The following PRKN variants were observed in gnomAD, a reference collection of about 807,000 sequenced individuals.
PRKN encodes E3 ubiquitin-protein ligase parkin.
PRKN carries 56 observed loss-of-function variants against 59.5 expected under a neutral mutation model. The observed-to-expected ratio is 0.94, with a 90% CI of 0.76 to 1.18. The LOEUF is 1.18. Ranked by LOEUF, PRKN falls within the 50% of genes most tolerant of loss-of-function variation. The pLI, the probability that PRKN is intolerant of heterozygous loss-of-function variation, is 0.00. For missense variants in PRKN, 657 were observed against 596.4 expected (o/e 1.10, Z -1.06); for synonymous variants, 250 against 222.1 (o/e 1.13, Z -1.12).
intron 4 of PRKN, among the ~76,000 whole-genome samples, chr6:162,187,684 C>T (rs1471395728): frequency 6.6e-6 from 1 of 152,026 alleles, no homozygotes; most frequent in Non-Finnish European, 1.5e-5. Context: ...ATCCATTTGG[C>T]CCTGGGAGAA....
chr6:162,096,312 C>T (rs971132994), intron 4 of PRKN, among the ~76,000 whole-genome samples: 2 of 152,142 alleles, frequency 1.3e-5, no homozygotes, highest in Non-Finnish European at 2.9e-5. Context: ...CATTCACATC[C>T]AATTTTGTGT....
intron 4 of PRKN, among the ~76,000 whole-genome samples, chr6:162,105,075 T>A (rs1780134628): frequency 6.6e-6 from 1 of 152,130 alleles, no homozygotes; most frequent in Admixed American, 6.6e-5. Flanking sequence ...GAAGCACTCA[T>A]CACGCATTAG....
chr6:161,766,969 C>A (rs1191348836), intron 7 of PRKN, among the ~76,000 whole-genome samples: 1 of 152,104 alleles, frequency 6.6e-6, no homozygotes, highest in Non-Finnish European at 1.5e-5. Flanking sequence ...TAGTATCAAC[C>A]ACAGAGAATC....
At chr6:162,607,191 G>C (rs1225857734) in intron 1 of PRKN, among the ~76,000 whole-genome samples, 4 of 152,136 alleles carry the variant, frequency 2.6e-5, no homozygotes, top group African/African-American at 9.7e-5. Flanking sequence ...ATTGATTCAT[G>C]AATCATTTGG....
At chr6:162,654,660 G>C (rs1778571404) in intron 1 of PRKN, among the ~76,000 whole-genome samples, 1 of 152,022 alleles carries the variant, frequency 6.6e-6, no homozygotes, top group South Asian at 2.1e-4. Context: ...TACTGTATTA[G>C]TCCATTCTCA....
intron 6 of PRKN, among the ~76,000 whole-genome samples, chr6:161,892,576 A>G (rs1306631753): frequency 6.6e-6 from 1 of 151,684 alleles, no homozygotes; most frequent in Non-Finnish European, 1.5e-5. Context: ...ATTCTTCAGA[A>G]ACTACAGCAA....
intron 1 of PRKN, among the ~76,000 whole-genome samples, chr6:162,584,212 CAA>C (rs777161921): frequency 1.1e-5 from 1 of 91,282 alleles, no homozygotes. Context: ...GACTCCGTCT[CAA>C]AAAAAAAAAA....
In PRKN at chr6:162,643,568, A is replaced by C. The variant is rs144748229; in HGVS notation, c.7+84094T>G. On this transcript the variant is annotated intron_variant, in intron 1 of 11. Transcript: ENST00000366898. ...AATCATACACATTTTCCATTAATGG[A>C]CTCTTGCTGTGGGAAAGGGTGAGCT... Among the ~76,000 whole-genome samples, 567 of 151,946 alleles carry C rather than the reference A, an allele frequency of 3.7e-3. 4 individuals are homozygous for C. Among genetic ancestry groups the C allele is most frequent in the African/African-American group, 0.013 (552 of 41,442 alleles).
At chr6:162,054,769 AAAATG>A (rs1443081031) in intron 4 of PRKN, among the ~76,000 whole-genome samples, 2 of 152,372 alleles carry the variant, frequency 1.3e-5, no homozygotes, top group East Asian at 3.9e-4. Flanking sequence ...AAGATCATTT[AAAATG>A]AAATATCAGT....
At chr6:161,476,972 A>C (rs932558887) in intron 9 of PRKN, among the ~76,000 whole-genome samples, 3 of 152,180 alleles carry the variant, frequency 2.0e-5, no homozygotes, top group African/African-American at 7.2e-5. Context: ...ATGCAGTTCT[A>C]ATGAGGCAGT....
In PRKN at chr6:161,533,820, T is replaced by C. The variant is rs1402232997; in HGVS notation, c.1083+15034A>G. Among the ~76,000 whole-genome samples the C allele has an allele frequency of 2.6e-5, 4 of 151,940 alleles. No individual in the cohort carries two copies. Among genetic ancestry groups the C allele is most frequent in the Admixed American group, 2.6e-4 (4 of 15,262 alleles). On this transcript the variant is annotated intron_variant, in intron 9 of 11. Transcript: ENST00000366898. This position sits in a 1 kb window ranked among gnomAD's most constrained non-coding sequence, Gnocchi z 4.1. ...CCACGTGTCTGTGTACTTAATTTTC[T>C]TGGCGTGAGATAAGGAACCCTGGGG...
chr6:161,708,898 T>G (rs1308154772), intron 7 of PRKN, among the ~76,000 whole-genome samples: 1 of 152,108 alleles, frequency 6.6e-6, no homozygotes, highest in Non-Finnish European at 1.5e-5. Flanking sequence ...CTCAAGAAAG[T>G]GAAGAATCTA....
chr6:161,618,215 C>G (rs995773797), intron 7 of PRKN, among the ~76,000 whole-genome samples: 1 of 152,182 alleles, frequency 6.6e-6, no homozygotes, highest in Non-Finnish European at 1.5e-5. Context: ...ATCCCATGCT[C>G]GTTAATTCCC....
chr6:161,797,407 T>C (rs767434338), intron 6 of PRKN, among the ~76,000 whole-genome samples: 6 of 152,006 alleles, frequency 3.9e-5, no homozygotes, highest in African/African-American at 4.8e-5. Context: ...GCTGGGACTA[T>C]AGGCACACAC....
intron 1 of PRKN, among the ~76,000 whole-genome samples, chr6:162,521,157 C>G (rs1760450293): frequency 1.3e-5 from 2 of 152,156 alleles, no homozygotes; most frequent in Non-Finnish European, 2.9e-5. Flanking sequence ...AGAATTGTCA[C>G]TATCACTCAC....
At position 161,499,115 on chromosome 6, in the gene PRKN, GACAC is replaced by G. The variant is rs60226003; in HGVS notation, c.1083+49735_1083+49738del. Reference sequence around the variant, plus strand: ...ACTGGTGGCTTGTGAGCAGGGTCTGGACACACACACACACACATTTTTTTTTTTT... The same window carrying G: ...ACTGGTGGCTTGTGAGCAGGGTCTGGACACACACACACATTTTTTTTTTTT... On this transcript the variant is annotated intron_variant, in intron 9 of 11. Transcript: ENST00000366898. The surrounding 1 kb of genome is among the most constrained non-coding windows in gnomAD (Gnocchi z 4.2). 7.0e-6 allele frequency among the ~76,000 whole-genome samples: 1 copy of G among 143,078 alleles called. No homozygotes were observed. Among genetic ancestry groups the G allele is most frequent in the Non-Finnish European group, 1.5e-5 (1 of 66,014 alleles). The allele number at this position is 143,078 out of a possible 152,430, so 93.9% of individuals were successfully genotyped here.
At chr6:162,510,427 C>T (rs1218415650) in intron 1 of PRKN, among the ~76,000 whole-genome samples, 2 of 152,124 alleles carry the variant, frequency 1.3e-5, no homozygotes, top group Non-Finnish European at 2.9e-5. Context: ...AGTCTGGCCA[C>T]GATCAAATCT....
At position 162,214,673 on chromosome 6, in the gene PRKN, G is replaced by A. The variant is rs530335837; in HGVS notation, c.413-13421C>T. Reference sequence around the variant, plus strand: ...CAAATAATTTCTGTCCAGTGAAACAGATAACACCCAAAATGTGTGGCCTGG... The same window carrying A: ...CAAATAATTTCTGTCCAGTGAAACAAATAACACCCAAAATGTGTGGCCTGG... On this transcript the variant is annotated intron_variant, in intron 3 of 11. Transcript: ENST00000366898. Among the ~76,000 whole-genome samples, 5 of 152,192 alleles carry A rather than the reference G, an allele frequency of 3.3e-5. No homozygotes were observed. The East Asian group carries it at 9.7e-4, about 29-fold the overall frequency.
At chr6:162,594,675 C>A (rs545012138) in intron 1 of PRKN, among the ~76,000 whole-genome samples, 1 of 151,230 alleles carries the variant, frequency 6.6e-6, no homozygotes, top group African/African-American at 2.4e-5. Flanking sequence ...TCCAAGTTCA[C>A]TGTTAGTTAC....
Sources: gnomAD v4.1 joint callset for allele counts (sites outside exome capture counted in the v4.1 genomes callset) on GRCh38, gnomAD v4.1.1 for gene constraint, Gnocchi (gnomAD v3.1) non-coding constraint, MANE v1.5 for transcripts, NCBI Gene and HGNC (gene_info 2026-07-23, HGNC 2026-07-21) for gene names.